The following ZNF148 variants were observed in gnomAD, a reference collection of about 807,000 sequenced individuals.
The protein encoded by ZNF148 is Beta-Enolase Repressor Factor-1.
ZNF148 carries 7 observed loss-of-function variants against 67.7 expected under a neutral mutation model. That is an observed-to-expected ratio of 0.10 (90% CI 0.06 to 0.19). The LOEUF (loss-of-function observed/expected upper bound fraction) is 0.19. ZNF148 is among the 10% of genes least tolerant of loss of function. The probability of loss-of-function intolerance (pLI) is 1.00; values close to 1 mark genes in which losing one functional copy is unlikely to be tolerated. For missense variants in ZNF148, 583 were observed against 947.1 expected (o/e 0.62, Z 5.05); for synonymous variants, 333 against 330.7 (o/e 1.01, Z -0.08).
chr3:125,241,615 G>C (rs570040146), intron 7 of ZNF148, among the ~76,000 whole-genome samples: 3 of 151,966 alleles, frequency 2.0e-5, no homozygotes, highest in Non-Finnish European at 4.4e-5. Context: ...TTCTGACAGC[G>C]GATGTTATTT....
intron 1 of ZNF148, among the ~76,000 whole-genome samples, chr3:125,366,413 T>C (rs1257939130): frequency 6.6e-6 from 1 of 152,246 alleles, no homozygotes; most frequent in Non-Finnish European, 1.5e-5. Context: ...CTCTCCTACC[T>C]TGTATTATAC....
Position 125,365,678 on chromosome 3 carries a change from C to T in ZNF148, c.-234+9424G>A, listed in dbSNP as rs569879605. Among the ~76,000 whole-genome samples the T allele has an allele frequency of 3.9e-5, 6 of 152,110 alleles. No homozygotes were observed. In the East Asian group the frequency reaches 7.7e-4, roughly 20 times the overall value. ...CAAAAAAAATTGAAAATTAGCCAGGCGTGGTGGTACATGCCTGTGGTCCCA... is the reference window on the plus strand; with the variant it reads ...CAAAAAAAATTGAAAATTAGCCAGGTGTGGTGGTACATGCCTGTGGTCCCA... On this transcript the variant is annotated intron_variant, in intron 1 of 8. Transcript: ENST00000360647.
chr3:125,353,104 A>C (rs1942212701), intron 1 of ZNF148, among the ~76,000 whole-genome samples: 1 of 152,226 alleles, frequency 6.6e-6, no homozygotes, highest in African/African-American at 2.4e-5. Context: ...CTGTACACAA[A>C]TGTCCATAAC....
rs574193028 is a variant in ZNF148, at chr3:125,366,928, A to C, written c.-234+8174T>G. Among the ~76,000 whole-genome samples, 3 of 152,342 alleles carry C rather than the reference A, an allele frequency of 2.0e-5. No individual in the cohort carries two copies. The South Asian group carries it at 6.2e-4, about 32-fold the overall frequency. On this transcript the variant is annotated intron_variant, in intron 1 of 8. Coordinates refer to ENST00000360647, the MANE Select transcript of ZNF148 (RefSeq NM_021964.3). ...AAAGTTCTGTCTCAGGTTTTCTCCT[A>C]ATCAAATGCATTTTCTGCCTTTTAA...
chr3:125,322,248 G>T (rs953072850), intron 3 of ZNF148, among the ~76,000 whole-genome samples: 7 of 151,554 alleles, frequency 4.6e-5, no homozygotes, highest in African/African-American at 1.7e-4. Context: ...GGATGGTCTC[G>T]ATGTCCTGAC....
At chr3:125,271,731 A>G (rs1476089626) in intron 7 of ZNF148, among the ~76,000 whole-genome samples, 1 of 152,210 alleles carries the variant, frequency 6.6e-6, no homozygotes, top group Non-Finnish European at 1.5e-5. Context: ...ACAGGTACTC[A>G]ATAAATTTAC....
At position 125,298,372 on chromosome 3, in the gene ZNF148, C is replaced by CACACACACACACACACACAT. The variant is rs1050902396; in HGVS notation, c.334-10145_334-10144insATGTGTGTGTGTGTGTGTGT. On this transcript the variant is annotated intron_variant, in intron 4 of 8. Transcript: ENST00000360647. ...ACACACACACACACACACACACACA[C>CACACACACACACACACACAT]ATGCTCCTTTCCAATTATTTCATTC... is the stretch of plus-strand genomic sequence containing the variant. 3.9e-5 allele frequency among the ~76,000 whole-genome samples: 6 copies of CACACACACACACACACACAT among 151,972 alleles called. No homozygotes were observed. The East Asian group carries it at 1.2e-3, about 29-fold the overall frequency.
intron 2 of ZNF148, among the ~76,000 whole-genome samples, chr3:125,327,993 G>C (rs1193318407): frequency 1.3e-5 from 2 of 151,250 alleles, no homozygotes; most frequent in Non-Finnish European, 3.0e-5. Context: ...TATGCTCTCA[G>C]GCATTTTATC....
chr3:125,371,836 G>A (rs992997320), intron 1 of ZNF148, among the ~76,000 whole-genome samples: 3 of 151,824 alleles, frequency 2.0e-5, no homozygotes, highest in Admixed American at 6.6e-5. Flanking sequence ...AGACGGAGGC[G>A]GGTAGATCAC....
At chr3:125,325,323 T>C (rs1193194289) in intron 2 of ZNF148, among the ~76,000 whole-genome samples, 2 of 150,258 alleles carry the variant, frequency 1.3e-5, no homozygotes, top group Non-Finnish European at 3.0e-5. Context: ...AAAAACAGAG[T>C]AGAAAAAGAT....
At chr3:125,336,677 CTTTT>C (rs71148176) in intron 1 of ZNF148, among the ~76,000 whole-genome samples, 1 of 95,336 alleles carries the variant, frequency 1.0e-5, no homozygotes, top group African/African-American at 4.4e-5. Flanking sequence ...CAGAAATCAC[CTTTT>C]TTTTTTTTTT....
chr3:125,329,294 A>G (rs971875989), intron 2 of ZNF148, among the ~76,000 whole-genome samples: 22 of 146,422 alleles, frequency 1.5e-4, no homozygotes, highest in African/African-American at 5.5e-4. Flanking sequence ...ATATGTATAT[A>G]TGTATATTCA....
intron 4 of ZNF148, among the ~76,000 whole-genome samples, chr3:125,302,992 C>T (rs184811051): frequency 2.0e-4 from 31 of 152,220 alleles, no homozygotes; most frequent in African/African-American, 6.3e-4. Context: ...TGGTAAACTG[C>T]GGTACATTGG....
At chr3:125,315,405 T>C (rs1356713966) in intron 3 of ZNF148, among the ~76,000 whole-genome samples, 1 of 152,066 alleles carries the variant, frequency 6.6e-6, no homozygotes, top group Non-Finnish European at 1.5e-5. Context: ...TATATTTTTA[T>C]GTTTTAAATA....
At chr3:125,353,187 T>G (rs1942216457) in intron 1 of ZNF148, among the ~76,000 whole-genome samples, 1 of 152,204 alleles carries the variant, frequency 6.6e-6, no homozygotes, top group African/African-American at 2.4e-5. Context: ...AAACAAAGTA[T>G]GTATGTATAC....
chr3:125,307,235 A>T (rs1216421642), intron 4 of ZNF148, among the ~76,000 whole-genome samples: 1 of 152,260 alleles, frequency 6.6e-6, no homozygotes, highest in Admixed American at 6.5e-5. Flanking sequence ...TAAGAGAATA[A>T]TGACAGGATA....
intron 7 of ZNF148, among the ~76,000 whole-genome samples, chr3:125,273,419 T>C (rs896117482): frequency 6.6e-6 from 1 of 151,936 alleles, no homozygotes; most frequent in African/African-American, 2.4e-5. Context: ...AAGAACCTTA[T>C]GGAAAAAGAA....
chr3:125,258,077 A>C (rs1243644171), intron 7 of ZNF148, among the ~76,000 whole-genome samples: 2 of 151,920 alleles, frequency 1.3e-5, no homozygotes, highest in African/African-American at 4.8e-5. Context: ...ACTTACTGAG[A>C]TCATACTGTT....
chr3:125,268,106 T>A (rs560129461), intron 7 of ZNF148, among the ~76,000 whole-genome samples: 1 of 151,916 alleles, frequency 6.6e-6, no homozygotes, highest in Admixed American at 6.6e-5. Context: ...GTTAATGAAC[T>A]AGAAGAATCA....
Sources: gnomAD v4.1 joint callset for allele counts (sites outside exome capture counted in the v4.1 genomes callset) on GRCh38, gnomAD v4.1.1 for gene constraint, MANE v1.5 for transcripts, NCBI Gene and HGNC (gene_info 2026-07-23, HGNC 2026-07-21) for gene names.